CAMK1D: variants seen among roughly 807,000 people sequenced by gnomAD.
CAMK1D encodes calcium/calmodulin dependent protein kinase ID.
CAMK1D carries 9 observed loss-of-function variants against 47.7 expected under a neutral mutation model. The ratio of observed to expected loss-of-function variants is 0.19; its 90% confidence interval spans 0.11 to 0.33. CAMK1D has a LOEUF of 0.33. Among genes scored for constraint, CAMK1D ranks in the 10% least tolerant of loss-of-function variants. The pLI is 1.00. For missense variants in CAMK1D, 291 were observed against 488.7 expected (o/e 0.60, Z 3.81); for synonymous variants, 184 against 184.9 (o/e 0.99, Z 0.04).
intron 7 of CAMK1D, 55 bp downstream of exon 7, chr10:12,814,362 G>T: frequency 8.9e-7 from 1 of 1,119,330 alleles, no homozygotes; most frequent in South Asian, 1.3e-5. Flanking sequence ...CTTACACCCA[G>T]ACCACGTGAC....
chr10:12,481,238 G>A (rs948219271), intron 1 of CAMK1D, among the ~76,000 whole-genome samples: 1 of 152,086 alleles, frequency 6.6e-6, no homozygotes, highest in Non-Finnish European at 1.5e-5. Context: ...CTTTTGAGAT[G>A]TCTTTTCCAC....
chr10:12,657,948 C>G (rs575886865), intron 2 of CAMK1D, among the ~76,000 whole-genome samples: 2 of 151,992 alleles, frequency 1.3e-5, no homozygotes, highest in Non-Finnish European at 2.9e-5. Flanking sequence ...GCCAGGAGTT[C>G]GAGACAGCCT....
chr10:12,765,958 C>CTTTT (rs147498267), intron 4 of CAMK1D, among the ~76,000 whole-genome samples: 17 of 86,482 alleles, frequency 2.0e-4, no homozygotes, highest in African/African-American at 3.7e-4. Context: ...CCATCCTAAT[C>CTTTT]TTTTTTTTTT....
chr10:12,673,293 A>G (rs1286891985), intron 3 of CAMK1D, among the ~76,000 whole-genome samples: 1 of 147,672 alleles, frequency 6.8e-6, no homozygotes, highest in Non-Finnish European at 1.5e-5. Flanking sequence ...TAATAAACGT[A>G]AGTGTTTTCA....
chr10:12,449,203 C>T (rs973134188), intron 1 of CAMK1D, among the ~76,000 whole-genome samples: 2 of 152,104 alleles, frequency 1.3e-5, no homozygotes, highest in African/African-American at 4.8e-5. Context: ...GCCAACCTAG[C>T]AAGTTACTCT....
At chr10:12,793,154 A>G (rs1461188839) in intron 6 of CAMK1D, among the ~76,000 whole-genome samples, 1 of 152,188 alleles carries the variant, frequency 6.6e-6, no homozygotes, top group African/African-American at 2.4e-5. Context: ...GCTTAAGGAA[A>G]TAAATGCTAG....
chr10:12,419,287 C>G lies in CAMK1D; in HGVS notation c.92+69377C>G, dbSNP rs73587062. 6.6e-3 allele frequency among the ~76,000 whole-genome samples: 1,007 copies of G among 152,080 alleles called. 12 individuals carry two copies. The highest frequency in any genetic ancestry group is 0.024 in the African/African-American group (980 of 41,496). Reference sequence around the variant, plus strand: ...AAATAAAAGGCAAGAGTGAGAAAACCAAACTCAAGGAGGTGAGGTTGGGAG... The same window carrying G: ...AAATAAAAGGCAAGAGTGAGAAAACGAAACTCAAGGAGGTGAGGTTGGGAG... On this transcript the variant is annotated intron_variant, in intron 1 of 10. Coordinates refer to ENST00000619168, the MANE Select transcript of CAMK1D (RefSeq NM_153498.4).
intron 6 of CAMK1D, among the ~76,000 whole-genome samples, chr10:12,799,366 A>C (rs1564570593): frequency 6.6e-6 from 1 of 152,122 alleles, no homozygotes; most frequent in East Asian, 1.9e-4. Context: ...TTGTCAGCCT[A>C]TGCAGATGCG....
rs143417427 is a variant in CAMK1D, at chr10:12,761,024, C to T, written c.376C>T (p.Arg126Cys). 40 of 1,614,158 alleles carry T rather than the reference C, an allele frequency of 2.5e-5. No homozygotes were observed. The highest frequency in any genetic ancestry group is 2.0e-4 in the African/African-American group (15 of 75,016). ...YTEKDASTLI[R>C]QVLDAVYYLH... Reference sequence around the variant, plus strand: ...AGAGAAGGATGCCAGCACTCTGATCCGCCAAGTCTTGGACGCCGTGTACTA... The same window carrying T: ...AGAGAAGGATGCCAGCACTCTGATCTGCCAAGTCTTGGACGCCGTGTACTA... The change falls in exon 4 of 11, where the codon CGC becomes TGC. Residue 126 changes from arginine (R) to cysteine (C), a missense_variant. Coordinates refer to ENST00000619168, the MANE Select transcript of CAMK1D (RefSeq NM_153498.4).
intron 5 of CAMK1D, among the ~76,000 whole-genome samples, chr10:12,785,466 C>A (rs1837680617): frequency 1.3e-5 from 2 of 152,194 alleles, no homozygotes; most frequent in Admixed American, 1.3e-4. Flanking sequence ...CACGTGAATT[C>A]TGCTGCATAC....
chr10:12,533,813 A>G (rs1193609272), intron 1 of CAMK1D, among the ~76,000 whole-genome samples: 1 of 152,216 alleles, frequency 6.6e-6, no homozygotes, highest in Non-Finnish European at 1.5e-5. Context: ...CAAGGCTAGT[A>G]TGGTGGCTCT....
At chr10:12,423,783 C>T (rs1043094345) in intron 1 of CAMK1D, among the ~76,000 whole-genome samples, 1 of 152,202 alleles carries the variant, frequency 6.6e-6, no homozygotes, top group Non-Finnish European at 1.5e-5. Flanking sequence ...AATGCGTTAG[C>T]CTGACTAAGT....
chr10:12,381,399 G>A (rs1044937968), intron 1 of CAMK1D, among the ~76,000 whole-genome samples: 7 of 149,338 alleles, frequency 4.7e-5, no homozygotes, highest in African/African-American at 1.7e-4. Flanking sequence ...TGGAGTGCAC[G>A]ATCTTGGTTC....
intron 1 of CAMK1D, among the ~76,000 whole-genome samples, chr10:12,404,982 G>A (rs975942413): frequency 1.4e-4 from 22 of 152,244 alleles, no homozygotes; most frequent in Admixed American, 8.5e-4. Context: ...ACCGCGCCTG[G>A]CTGGAAAACT....
intron 2 of CAMK1D, among the ~76,000 whole-genome samples, chr10:12,589,084 C>T (rs576101266): frequency 6.6e-6 from 1 of 152,180 alleles, no homozygotes; most frequent in African/African-American, 2.4e-5. Flanking sequence ...TCACTGCAGC[C>T]TCCATCTCCC....
In CAMK1D at chr10:12,414,741, G is replaced by A. The variant is rs145172514; in HGVS notation, c.92+64831G>A. 9.9e-5 allele frequency among the ~76,000 whole-genome samples: 15 copies of A among 152,252 alleles called. No homozygotes were observed. In the East Asian group the frequency reaches 1.2e-3, roughly 12 times the overall value. On this transcript the variant is annotated intron_variant, in intron 1 of 10. Transcript: ENST00000619168. ...AATTTGGATCGTTTCCTTGAGACACGCTGTTTCTTAGTCATAGTGTCCTAG... is the reference window on the plus strand; with the variant it reads ...AATTTGGATCGTTTCCTTGAGACACACTGTTTCTTAGTCATAGTGTCCTAG...
intron 1 of CAMK1D, among the ~76,000 whole-genome samples, chr10:12,485,038 G>A (rs1382562229): frequency 2.0e-5 from 3 of 152,186 alleles, no homozygotes; most frequent in Non-Finnish European, 4.4e-5. Context: ...GAGCACAGCC[G>A]GACAGAGAGG....
intron 1 of CAMK1D, among the ~76,000 whole-genome samples, chr10:12,489,275 C>A (rs11257827): frequency 0.23 from 34,649 of 152,044 alleles, 4,900 homozygotes; most frequent in Non-Finnish European, 0.31. Context: ...AGACTGGTAT[C>A]GGTTTATGGC....
At chr10:12,677,491 A>G (rs905344075) in intron 3 of CAMK1D, among the ~76,000 whole-genome samples, 1 of 152,086 alleles carries the variant, frequency 6.6e-6, no homozygotes, top group Non-Finnish European at 1.5e-5. Context: ...AGTGCTCCTT[A>G]TAGAGAGGAG....
Sources: gnomAD v4.1 joint callset for allele counts (sites outside exome capture counted in the v4.1 genomes callset) on GRCh38, gnomAD v4.1.1 for gene constraint, MANE v1.5 for transcripts, NCBI Gene and HGNC (gene_info 2026-07-23, HGNC 2026-07-21) for gene names.